Variants in ITGAL observed in about 807,000 individuals in gnomAD.
ITGAL encodes integrin alpha-L.
In ITGAL, 68 loss-of-function variants were observed where a neutral mutation model predicts 138.4. That is an observed-to-expected ratio of 0.49 (90% confidence interval 0.40 to 0.60). The LOEUF is 0.60. Ranked by LOEUF, ITGAL falls within the 20% of genes least tolerant of loss-of-function variation. ITGAL has a pLI of 0.00. For synonymous variants in ITGAL, 561 were observed against 584.3 expected (o/e 0.96, Z 0.57); for missense variants, 1,256 against 1,478.6 (o/e 0.85, Z 2.47).
Position 30,483,949 on chromosome 16 carries a change from A to G in ITGAL, c.845A>G (p.Tyr282Cys). ...GATGCGGCCAAAGACATCATCCGCT[A>G]CATCATCGGGGTAGGGCCCCTGCTG... ...NIDAAKDIIR[Y>C]IIGIGKHFQT... Residue 282 changes from tyrosine (Y) to cysteine (C), a missense_variant, in exon 8 of 31, where the codon TAC (tyrosine) becomes TGC (cysteine). By Grantham distance (194) the Tyr-to-Cys change is radical (BLOSUM62 -2). Transcript: ENST00000356798. 1 of 1,613,236 alleles carries G rather than the reference A, an allele frequency of 6.2e-7. No individual in the cohort carries two copies. The highest frequency in any genetic ancestry group is 2.2e-5 in the East Asian group (1 of 44,838).
intron 28 of ITGAL, 54 bp from the exon 29 acceptor site, chr16:30,518,570 A>T (rs776713697): frequency 3.6e-4 from 460 of 1,278,740 alleles, no homozygotes; most frequent in Admixed American, 5.2e-4. Flanking sequence ...GGCAAAAGCC[A>T]GTGGGTTCTG....
At position 30,505,466 on chromosome 16, in the gene ITGAL, A is replaced by T; in HGVS notation, c.2366+4A>T. The stretch of plus-strand genomic sequence containing the variant: ...GAGTGTCCTTCTCTCCTGCAAGGTC[A>T]GTAAGGCCTCCCACCCTCCAGCCTC... On this transcript the variant is annotated splice_donor_region_variant and intron_variant, in intron 20 of 30. Transcript: ENST00000356798. 6.2e-7 allele frequency: 1 copy of T among 1,611,800 alleles called. No individual in the cohort carries two copies. Among genetic ancestry groups the T allele is most frequent in the South Asian group, 1.1e-5 (1 of 91,016 alleles).
chr16:30,504,263 C>T lies in ITGAL; in HGVS notation c.2234C>T (p.Ala745Val), dbSNP rs147945435. ...GAAGGGACACCGAGGGACCAAAGGG[C>T]GGTAAGAAGAGATGGCTAGGGATGG... is the stretch of plus-strand genomic sequence containing the variant. Reference protein sequence around the residue: ...EEEGTPRDQRAQGKDIPPILR... With the variant: ...EEEGTPRDQRVQGKDIPPILR... The change falls in exon 18 of 31, where the codon GCG (alanine) becomes GTG (valine). Residue 745 changes from alanine to valine, a missense_variant and splice_region_variant. Physicochemically the swap from Ala to Val is moderately conservative, Grantham distance 64. Around this residue, in one of 3 missense-constraint regions of ITGAL, gnomAD observed 867 missense variants for 972.5 expected, o/e 0.89. Coordinates refer to ENST00000356798, the MANE Select transcript of ITGAL (RefSeq NM_002209.3). 2.9e-5 allele frequency: 46 copies of T among 1,607,974 alleles called. No individual in the cohort carries two copies. Among genetic ancestry groups the T allele is most frequent in the Admixed American group, 6.7e-5 (4 of 59,942 alleles).
chr16:30,516,896 G>C (rs2051173881), intron 25 of ITGAL, 77 bp from the exon 26 acceptor site: 2 of 1,004,258 alleles, frequency 2.0e-6, no homozygotes, highest in Non-Finnish European at 3.2e-6. Flanking sequence ...GAAGAGGCGT[G>C]CAAGGGCACA....
intron 15 of ITGAL, among the ~76,000 whole-genome samples, chr16:30,498,118 A>T (rs969117425): frequency 1.3e-5 from 2 of 151,790 alleles, no homozygotes; most frequent in Admixed American, 1.3e-4. Context: ...CTTAGTCAGG[A>T]GTTCAAGACC....
At chr16:30,518,485 A>G in intron 28 of ITGAL, 139 bp from the exon 29 acceptor site, 1 of 615,354 alleles carries the variant, frequency 1.6e-6, no homozygotes, top group Non-Finnish European at 2.9e-6. Context: ...AGAATGCCAC[A>G]ATAGAGAGTT....
At chr16:30,487,770 A>T (rs2050668955) in intron 9 of ITGAL, among the ~76,000 whole-genome samples, 1 of 148,584 alleles carries the variant, frequency 6.7e-6, no homozygotes, top group Non-Finnish European at 1.5e-5. Context: ...CAGTGGTGCG[A>T]TCTTGGCTCA....
intron 15 of ITGAL, among the ~76,000 whole-genome samples, chr16:30,497,538 G>A (rs2050820159): frequency 6.6e-6 from 1 of 151,238 alleles, no homozygotes; most frequent in African/African-American, 2.4e-5. Flanking sequence ...GTGCAGTGGT[G>A]CGATCTTGGC....
At chr16:30,505,018 T>TA (rs5816509) in intron 18 of ITGAL, 73,724 of 248,892 alleles carry the variant, frequency 0.3, 8,675 homozygotes, top group South Asian at 0.63. Flanking sequence ...AAGACAGTCT[T>TA]AAAAAAAAAA....
intron 7 of ITGAL, 21 bp from the exon 8 acceptor site, chr16:30,483,806 C>T (rs749398756): frequency 1.3e-6 from 2 of 1,593,462 alleles, no homozygotes; most frequent in South Asian, 1.1e-5. Flanking sequence ...AGTCTCTCAT[C>T]TCCTCCTTTC....
Position 30,474,245 on chromosome 16 carries a change from C to T in ITGAL, c.111C>T (p.Ser37=). 1.2e-6 allele frequency: 2 copies of T among 1,609,106 alleles called. No individual in the cohort carries two copies. Among genetic ancestry groups the T allele is most frequent in the Non-Finnish European group, 1.7e-6 (2 of 1,177,848 alleles). ...ACGTGCGGGGCGCGCGGAGCTTCTCCCCACCGCGCGCCGGGAGGCACTTTG... is the reference window on the plus strand; with the variant it reads ...ACGTGCGGGGCGCGCGGAGCTTCTCTCCACCGCGCGCCGGGAGGCACTTTG... ...NLDVRGARSF[S]PPRAGRHFGY... Residue 37 remains serine (S), a synonymous_variant, in exon 2 of 31, where the codon TCC becomes TCT. Coordinates refer to ENST00000356798, the MANE Select transcript of ITGAL (RefSeq NM_002209.3).
At chr16:30,481,682 C>T in intron 7 of ITGAL, 98 bp downstream of exon 7, 1 of 1,011,260 alleles carries the variant, frequency 9.9e-7, no homozygotes, top group Non-Finnish European at 1.5e-6. Context: ...TAGGTAGGTA[C>T]AGCAAGGGGC....
intron 17 of ITGAL, among the ~76,000 whole-genome samples, chr16:30,503,671 C>T (rs1157106237): frequency 6.6e-6 from 1 of 151,764 alleles, no homozygotes; most frequent in Non-Finnish European, 1.5e-5. Flanking sequence ...GCTCATTTTC[C>T]TTATTTTAAA....
Position 30,494,345 on chromosome 16 carries a change from G to T in ITGAL, c.1347G>T (p.Gln449His), listed in dbSNP as rs2050770153. The T allele has an allele frequency of 2.5e-6, 4 of 1,610,144 alleles. No homozygotes were observed. The African/African-American group carries it at 4.0e-5, about 16-fold the overall frequency. The change falls in exon 12 of 31, where the codon CAG (glutamine) becomes CAT (histidine). Residue 449 changes from glutamine to histidine, a missense_variant. Gln to His is a conservative substitution (Grantham distance 24). This residue lies in a region of ITGAL where 867 missense variants were observed against 972.5 expected (regional missense o/e 0.89). Coordinates refer to ENST00000356798, the MANE Select transcript of ITGAL (RefSeq NM_002209.3). The surrounding 1 kb of genome is among the most constrained non-coding windows in gnomAD (Gnocchi z 4.2). ...PQGGGHWSQV[Q>H]TIHGTQIGSY... ...GCGGAGGACACTGGAGCCAGGTCCA[G>T]ACAATCCATGGGACCCAGGTGCGCC...
chr16:30,502,855 C>T (rs889380132), intron 17 of ITGAL, among the ~76,000 whole-genome samples: 2 of 151,006 alleles, frequency 1.3e-5, no homozygotes, highest in South Asian at 2.1e-4. Context: ...ACTGTGTTGC[C>T]CAGGCTAGAA....
chr16:30,488,842 A>T, intron 9 of ITGAL: 2 of 502,538 alleles, frequency 4.0e-6, no homozygotes, highest in Non-Finnish European at 7.3e-6. Context: ...GCGCCACTGC[A>T]CTCCAACCTG....
Position 30,521,769 on chromosome 16 carries a change from C to A in ITGAL, c.*104C>A. ...CCGTGTGCCCTCGGGCGAGTCACTG[C>A]CTCTCCCTGGCCCTCAGTTTCCCTA... On this transcript the variant is annotated 3_prime_UTR_variant, in exon 31 of 31. Coordinates refer to ENST00000356798, the MANE Select transcript of ITGAL (RefSeq NM_002209.3). The A allele has an allele frequency of 3.6e-6, 4 of 1,111,388 alleles. No individual in the cohort carries two copies. The highest frequency in any genetic ancestry group is 3.1e-4 in the Middle Eastern group (1 of 3,274). The allele number at this position is 1,111,388 out of a possible 1,614,324, so 68.8% of individuals were successfully genotyped here.
chr16:30,486,676 T>C lies in ITGAL; in HGVS notation c.1007-2406T>C, dbSNP rs1464243669. On this transcript the variant is annotated intron_variant, in intron 9 of 30. Coordinates refer to ENST00000356798, the MANE Select transcript of ITGAL (RefSeq NM_002209.3). ...TGCCAGGAAAATGGAAAAAGTTCAG[T>C]GTGACCGAAGCGCAGTGAGGAAGGG... 3.9e-5 allele frequency among the ~76,000 whole-genome samples: 6 copies of C among 151,986 alleles called. No homozygotes were observed. In the East Asian group the frequency reaches 1.2e-3, roughly 30 times the overall value.
intron 20 of ITGAL, among the ~76,000 whole-genome samples, chr16:30,506,432 G>A (rs552355590): frequency 3.5e-4 from 53 of 150,660 alleles, no homozygotes; most frequent in African/African-American, 1.2e-3. Context: ...GGTGGTGGGC[G>A]CCCGTAGTCC....
Sources: gnomAD v4.1 joint callset for allele counts (sites outside exome capture counted in the v4.1 genomes callset) on GRCh38, gnomAD v4.1.1 for gene constraint, gnomAD v4.1.1 regional missense constraint, Gnocchi (gnomAD v3.1) non-coding constraint, MANE v1.5 for transcripts, NCBI Gene and HGNC (gene_info 2026-07-23, HGNC 2026-07-21) for gene names.